MALRD1: variants seen among roughly 807,000 people sequenced by gnomAD.
MALRD1 encodes MAM and LDL-receptor class A domain-containing protein 1.
A neutral mutation model predicts 242.1 loss-of-function variants in MALRD1; 247 were observed. The ratio of observed to expected loss-of-function variants is 1.02; its 90% CI spans 0.92 to 1.13. The LOEUF (loss-of-function observed/expected upper bound fraction) is 1.13, where lower values mean the gene tolerates loss of function less well. Ranked by LOEUF, MALRD1 falls within the 50% of genes most tolerant of loss-of-function variation. The pLI is 0.00. For missense variants in MALRD1, 2,989 were observed against 2,533.1 expected, an observed-to-expected ratio of 1.18 and a Z score of -3.86; for synonymous variants, 995 against 866.6, an observed-to-expected ratio of 1.15 and a Z score of -2.60.
intron 21 of MALRD1, among the ~76,000 whole-genome samples, chr10:19,306,771 C>G (rs1225985253): frequency 6.6e-6 from 1 of 150,732 alleles, no homozygotes; most frequent in Non-Finnish European, 1.5e-5. Context: ...GAAGGGGAAG[C>G]AAACGTTTCC....
chr10:19,190,259 T>C (rs1835913770), intron 14 of MALRD1, among the ~76,000 whole-genome samples: 1 of 151,924 alleles, frequency 6.6e-6, no homozygotes, highest in Admixed American at 6.6e-5. Context: ...GGTGAAAGAC[T>C]TGTACAATAA....
At chr10:19,495,523 A>G (rs1052593527) in intron 30 of MALRD1, among the ~76,000 whole-genome samples, 3 of 152,158 alleles carry the variant, frequency 2.0e-5, no homozygotes, top group African/African-American at 4.8e-5. Context: ...TGAAGGAGAA[A>G]TAACATCCTT....
At chr10:19,315,171 T>C (rs1842606566) in intron 21 of MALRD1, among the ~76,000 whole-genome samples, 1 of 133,232 alleles carries the variant, frequency 7.5e-6, no homozygotes, top group South Asian at 2.2e-4. Context: ...GTAAATATAA[T>C]TTATATAAAT....
At position 19,627,759 on chromosome 10, in the gene MALRD1, T is replaced by TAAAAAA. The variant is rs553942713; in HGVS notation, c.6137+11850_6137+11855dup. On this transcript the variant is annotated intron_variant, in intron 36 of 39. Transcript: ENST00000454679. ...GCCTGGGCGACAGAGCAAGACTGTCTAAAAAAAAAAAAAAAAAAAGGAAAA... is the reference window on the plus strand; with the variant it reads ...GCCTGGGCGACAGAGCAAGACTGTCTAAAAAAAAAAAAAAAAAAAAAAAAAGGAAAA... Among the ~76,000 whole-genome samples, 213 of 56,138 alleles carry TAAAAAA rather than the reference T, an allele frequency of 3.8e-3. 2 individuals carry two copies. In the East Asian group the frequency reaches 0.048, roughly 13 times the overall value. 36.8% of individuals were successfully genotyped at this position (56,138 alleles called of 152,430 possible). A position where few individuals can be genotyped will look rare whatever the true frequency, so the allele number is the denominator to read the frequency against.
intron 33 of MALRD1, among the ~76,000 whole-genome samples, chr10:19,568,628 A>G (rs1417692359): frequency 6.6e-6 from 1 of 151,966 alleles, no homozygotes; most frequent in Non-Finnish European, 1.5e-5. Context: ...TCATATAATC[A>G]CCACTTTCTC....
At chr10:19,141,419 T>C (rs1160148024) in intron 10 of MALRD1, among the ~76,000 whole-genome samples, 1 of 151,994 alleles carries the variant, frequency 6.6e-6, no homozygotes, top group Non-Finnish European at 1.5e-5. Flanking sequence ...GGGGTGGAGA[T>C]TCAGTTTGGG....
intron 36 of MALRD1, among the ~76,000 whole-genome samples, 161 bp downstream of exon 36, chr10:19,616,084 G>T (rs777826769): frequency 3.3e-5 from 5 of 151,910 alleles, no homozygotes; most frequent in Non-Finnish European, 5.9e-5. Flanking sequence ...ATAAGGTAAA[G>T]GAATATGTGA....
chr10:19,454,405 G>GATACATATATAT (rs1554775337), intron 29 of MALRD1, among the ~76,000 whole-genome samples: 2 of 80,558 alleles, frequency 2.5e-5, no homozygotes, highest in Non-Finnish European at 2.4e-5. Flanking sequence ...TTATGCATAT[G>GATACATATATAT]ATATATATAT....
chr10:19,132,362 A>G lies in MALRD1; in HGVS notation c.1111-1494A>G, dbSNP rs141689243. On this transcript the variant is annotated intron_variant, in intron 8 of 39. Transcript: ENST00000454679. ...TTCATCCTGATCCGCCATGAAAGCT[A>G]TCAGCCGAAAATATGTCCACCCCGT... Among the ~76,000 whole-genome samples the G allele has an allele frequency of 6.9e-3, 1,052 of 152,320 alleles. 15 individuals are homozygous for G. The highest frequency in any genetic ancestry group is 0.024 in the African/African-American group (1,008 of 41,566).
intron 29 of MALRD1, among the ~76,000 whole-genome samples, chr10:19,466,307 A>T (rs914028685): frequency 4.0e-5 from 6 of 151,528 alleles, no homozygotes; most frequent in South Asian, 2.1e-4. Flanking sequence ...TTTGATGAAA[A>T]TTTTTTTTCC....
At chr10:19,424,381 A>C (rs996821379) in intron 28 of MALRD1, among the ~76,000 whole-genome samples, 2 of 152,096 alleles carry the variant, frequency 1.3e-5, no homozygotes, top group African/African-American at 2.4e-5. Context: ...TCTGGTCTCG[A>C]TCTCCTGACT....
At chr10:19,692,002 T>C (rs145933819) in intron 36 of MALRD1, among the ~76,000 whole-genome samples, 2 of 152,166 alleles carry the variant, frequency 1.3e-5, no homozygotes, top group African/African-American at 4.8e-5. Context: ...GAAAAATGAG[T>C]CAATTTTTAA....
At chr10:19,486,601 A>G (rs1396910504) in intron 29 of MALRD1, among the ~76,000 whole-genome samples, 1 of 152,192 alleles carries the variant, frequency 6.6e-6, no homozygotes, top group Non-Finnish European at 1.5e-5. Flanking sequence ...CCGTTTTAAT[A>G]TTCTTCATGT....
At chr10:19,424,032 A>G (rs562072018) in intron 28 of MALRD1, among the ~76,000 whole-genome samples, 1 of 152,334 alleles carries the variant, frequency 6.6e-6, no homozygotes, top group South Asian at 2.1e-4. Flanking sequence ...CGAAAATAAA[A>G]CAGAAAAAAA....
chr10:19,237,833 A>G (rs1476174855), intron 18 of MALRD1, among the ~76,000 whole-genome samples: 1 of 117,248 alleles, frequency 8.5e-6, no homozygotes, highest in African/African-American at 3.4e-5. Flanking sequence ...ATGTAATTAT[A>G]ATTATATATA....
At chr10:19,237,928 G>GAATTTTATATAGTTATATACATTATAAA (rs1564491278) in intron 18 of MALRD1, among the ~76,000 whole-genome samples, 4 of 40,078 alleles carry the variant, frequency 1.0e-4, no homozygotes, top group Non-Finnish European at 1.7e-4. Flanking sequence ...ATAATTATAT[G>GAATTTTATATAGTTATATACATTATAAA]TAATTTTATA....
Position 19,530,417 on chromosome 10 carries a change from TA to T in MALRD1, c.5321-775del, listed in dbSNP as rs1564417398. Reference sequence around the variant, plus strand: ...ATATAAATATTATATATTTATATAATAATAAATATATAATATATATAATATA... The same window carrying T: ...ATATAAATATTATATATTTATATAATATAAATATATAATATATATAATATA... On this transcript the variant is annotated intron_variant, in intron 31 of 39. Coordinates refer to ENST00000454679, the MANE Select transcript of MALRD1 (RefSeq NM_001142308.3). Among the ~76,000 whole-genome samples, 96 of 17,194 alleles carry T rather than the reference TA, an allele frequency of 5.6e-3. 1 individual carries two copies. Among genetic ancestry groups the T allele is most frequent in the African/African-American group, 0.014 (90 of 6,654 alleles). The allele number at this position is 17,194 out of a possible 152,430, so 11.3% of individuals were successfully genotyped here.
chr10:19,513,296 A>T, intron 31 of MALRD1, among the ~76,000 whole-genome samples: 1 of 151,900 alleles, frequency 6.6e-6, no homozygotes, highest in South Asian at 2.1e-4. Flanking sequence ...TTCCTTTCTC[A>T]CTACGTGATC....
intron 2 of MALRD1, among the ~76,000 whole-genome samples, chr10:19,079,355 G>T (rs1170625188): frequency 6.6e-6 from 1 of 151,652 alleles, no homozygotes; most frequent in Non-Finnish European, 1.5e-5. Flanking sequence ...TGTATGATTT[G>T]TATGCTCTTA....
Sources: gnomAD v4.1 joint callset for allele counts (sites outside exome capture counted in the v4.1 genomes callset) on GRCh38, gnomAD v4.1.1 for gene constraint, MANE v1.5 for transcripts, NCBI Gene and HGNC (gene_info 2026-07-23, HGNC 2026-07-21) for gene names.